The following ASH1L variants were observed in gnomAD, a reference collection of about 807,000 sequenced individuals.
ASH1L encodes the protein ASH1 like histone lysine methyltransferase, also known as histone-lysine N-methyltransferase ASH1L.
In ASH1L, 23 loss-of-function variants were observed where a neutral mutation model predicts 269.0. That is an observed-to-expected ratio of 0.09 (90% confidence interval 0.06 to 0.12). ASH1L has a LOEUF of 0.12. Among genes scored for constraint, ASH1L ranks in the 10% least tolerant of loss-of-function variants. The probability of loss-of-function intolerance (pLI) is 1.00; values close to 1 mark genes in which losing one functional copy is unlikely to be tolerated. For missense variants in ASH1L, 2,912 were observed against 3,567.8 expected (o/e 0.82, Z 4.68); for synonymous variants, 1,187 against 1,253.5 (o/e 0.95, Z 1.12).
chr1:155,524,654 G>A (rs2148851777), intron 1 of ASH1L, among the ~76,000 whole-genome samples: 1 of 151,934 alleles, frequency 6.6e-6, no homozygotes, highest in Non-Finnish European at 1.5e-5. Context: ...ACAACACAGT[G>A]AGACCTCATC....
At chr1:155,377,675 G>A (rs1481896273) in intron 10 of ASH1L, among the ~76,000 whole-genome samples, 5 of 152,178 alleles carry the variant, frequency 3.3e-5, no homozygotes, top group Admixed American at 3.3e-4. Flanking sequence ...CCATAGAGAA[G>A]GTAAGGTATT....
intron 1 of ASH1L, among the ~76,000 whole-genome samples, chr1:155,557,332 G>C (rs900370346): frequency 6.6e-6 from 1 of 151,616 alleles, no homozygotes; most frequent in Non-Finnish European, 1.5e-5. Flanking sequence ...GCGCAGTCTT[G>C]GCTCACTGCA....
At chr1:155,560,163 C>A (rs1460285457) in intron 1 of ASH1L, among the ~76,000 whole-genome samples, 1 of 152,092 alleles carries the variant, frequency 6.6e-6, no homozygotes, top group East Asian at 1.9e-4. Flanking sequence ...TCAAATGAGA[C>A]CTAAATATAA....
chr1:155,465,732 C>T (rs1353686580), intron 3 of ASH1L, among the ~76,000 whole-genome samples: 2 of 152,110 alleles, frequency 1.3e-5, no homozygotes, highest in South Asian at 2.1e-4. Flanking sequence ...TGTTAAACAA[C>T]GACTGAACCA....
intron 7 of ASH1L, among the ~76,000 whole-genome samples, chr1:155,389,494 G>A (rs11264368): frequency 0.027 from 4,037 of 152,042 alleles, 202 homozygotes; most frequent in African/African-American, 0.094. Flanking sequence ...GCAACATGGT[G>A]AAACCCCGTC....
At chr1:155,341,051 A>G (rs1353283040) in intron 25 of ASH1L, among the ~76,000 whole-genome samples, 1 of 152,084 alleles carries the variant, frequency 6.6e-6, no homozygotes, top group Admixed American at 6.5e-5. Flanking sequence ...GGCTCACTGC[A>G]ATCTCTGCCT....
intron 21 of ASH1L, among the ~76,000 whole-genome samples, chr1:155,345,109 A>G (rs1201394821): frequency 6.8e-6 from 1 of 146,508 alleles, no homozygotes; most frequent in African/African-American, 2.5e-5. Flanking sequence ...GGCACGCAAC[A>G]CCACGCCCAG....
intron 2 of ASH1L, among the ~76,000 whole-genome samples, chr1:155,489,919 T>G (rs2148759422): frequency 6.6e-6 from 1 of 152,170 alleles, no homozygotes. Flanking sequence ...AAGGTGAAAG[T>G]ACAAAGCTGA....
intron 2 of ASH1L, among the ~76,000 whole-genome samples, chr1:155,495,901 G>A (rs1667119116): frequency 6.6e-6 from 1 of 152,120 alleles, no homozygotes; most frequent in Non-Finnish European, 1.5e-5. Context: ...GGGAGGCTGA[G>A]GCAGGAGAAT....
At position 155,478,177 on chromosome 1, in the gene ASH1L, T is replaced by G; in HGVS notation, c.4693A>C (p.Ser1565Arg). 6.2e-7 allele frequency: 1 copy of G among 1,614,170 alleles called. No individual in the cohort carries two copies. Among genetic ancestry groups the G allele is most frequent in the Non-Finnish European group, 8.5e-7 (1 of 1,180,042 alleles). The change falls in exon 3 of 28, where the codon AGT (serine) becomes CGT (arginine). Residue 1565 changes from serine to arginine, a missense_variant. Ser to Arg is a moderately radical substitution (Grantham distance 110). Transcript: ENST00000392403. The surrounding 1 kb of genome is among the most constrained non-coding windows in gnomAD (Gnocchi z 4.6). ...QWVHREPSES[S>R]PLALGLQTPL... ...GTCTGCAATCCCAAGGCCAATGGAC[T>G]AGATTCTGAAGGCTCTCGGTGGACC...
intron 1 of ASH1L, among the ~76,000 whole-genome samples, chr1:155,528,537 G>A (rs1669429305): frequency 6.6e-6 from 1 of 151,888 alleles, no homozygotes; most frequent in South Asian, 2.1e-4. Context: ...GTGGCAGGCT[G>A]AAGACCCAGG....
chr1:155,405,601 G>T (rs1194208786), intron 6 of ASH1L, among the ~76,000 whole-genome samples: 7 of 151,974 alleles, frequency 4.6e-5, no homozygotes, highest in African/African-American at 1.7e-4. Flanking sequence ...AGGCCTAGGT[G>T]AGTGAATCAC....
chr1:155,552,925 C>G (rs1383122879), intron 1 of ASH1L, among the ~76,000 whole-genome samples: 1 of 152,148 alleles, frequency 6.6e-6, no homozygotes, highest in Admixed American at 6.6e-5. Flanking sequence ...CTGCATGGCA[C>G]ACATTATGCT....
intron 6 of ASH1L, chr1:155,397,005 G>A (rs999127841): frequency 6.6e-6 from 1 of 150,742 alleles, no homozygotes; most frequent in African/African-American, 2.4e-5. Context: ...CATGCCTTTG[G>A]CCCCAGCTAC....
Position 155,343,770 on chromosome 1 carries a change from CAT to C in ASH1L, c.7982-30_7982-29del, listed in dbSNP as rs756117332. 5.0e-6 allele frequency: 8 copies of C among 1,608,896 alleles called. No individual in the cohort carries two copies. The highest frequency in any genetic ancestry group is 1.7e-4 in the Middle Eastern group (1 of 6,024). On this transcript the variant is annotated intron_variant, in intron 22 of 27. Transcript: ENST00000392403. The surrounding 1 kb of genome is among the most constrained non-coding windows in gnomAD (Gnocchi z 6.1). The stretch of plus-strand genomic sequence containing the variant: ...AGGAAGACCCAGAACACAGAAGAAA[CAT>C]AAAACAATTCTTGTATGAATTCTGT...
At chr1:155,543,523 A>T (rs986208080) in intron 1 of ASH1L, among the ~76,000 whole-genome samples, 2 of 151,774 alleles carry the variant, frequency 1.3e-5, no homozygotes, top group Non-Finnish European at 2.9e-5. Flanking sequence ...AAAAAAAAAA[A>T]AAAAAAAAGA....
intron 3 of ASH1L, among the ~76,000 whole-genome samples, chr1:155,473,855 A>G (rs766923816): frequency 4.6e-5 from 7 of 151,524 alleles, no homozygotes; most frequent in Non-Finnish European, 1.0e-4. Flanking sequence ...ATTTTTTTTG[A>G]GACAGACTCT....
At chr1:155,429,005 G>C (rs536028527) in intron 5 of ASH1L, among the ~76,000 whole-genome samples, 2 of 151,862 alleles carry the variant, frequency 1.3e-5, no homozygotes, top group South Asian at 4.2e-4. Flanking sequence ...AGCTGGTCTC[G>C]GCATATATAT....
rs1665707373 is a variant in ASH1L, at chr1:155,478,226, G to A, written c.4644C>T (p.Ser1548=). The A allele has an allele frequency of 5.6e-6, 9 of 1,614,086 alleles. No homozygotes were observed. Among genetic ancestry groups the A allele is most frequent in the Non-Finnish European group, 6.8e-6 (8 of 1,180,010 alleles). Residue 1548 remains serine (S), a synonymous_variant, in exon 3 of 28, where the codon AGC becomes AGT. Transcript: ENST00000392403. The surrounding 1 kb of genome is among the most constrained non-coding windows in gnomAD (Gnocchi z 4.6). ...CCCACTGTTCCTCTCTGTTTATTAA[G>A]CTTTTTGAAGGAGAGAGATGAGGGC... ...MSCPHLSPSK[S]LINREEQWVH... is the part of the protein sequence containing the mutation.
Sources: gnomAD v4.1 joint callset for allele counts (sites outside exome capture counted in the v4.1 genomes callset) on GRCh38, gnomAD v4.1.1 for gene constraint, Gnocchi (gnomAD v3.1) non-coding constraint, MANE v1.5 for transcripts, NCBI Gene and HGNC (gene_info 2026-07-23, HGNC 2026-07-21) for gene names.